Variants in VPS33A observed in about 807,000 individuals in gnomAD.
VPS33A encodes the protein vacuolar protein sorting-associated protein 33A.
VPS33A carries 32 observed loss-of-function variants against 71.8 expected under a neutral mutation model. The ratio of observed to expected loss-of-function variants is 0.45; its 90% confidence interval spans 0.34 to 0.60. The LOEUF (loss-of-function observed/expected upper bound fraction) is 0.60. Ranked by LOEUF, VPS33A falls within the 20% of genes least tolerant of loss-of-function variation. The pLI, the probability that VPS33A is intolerant of heterozygous loss-of-function variation, is 0.02. For missense variants in VPS33A, 625 were observed against 748.5 expected (o/e 0.84, Z 1.92); for synonymous variants, 311 against 292.7 (o/e 1.06, Z -0.64).
At chr12:122,262,800 A>G (rs1212484266) in intron 3 of VPS33A, among the ~76,000 whole-genome samples, 4 of 151,996 alleles carry the variant, frequency 2.6e-5, no homozygotes, top group African/African-American at 7.3e-5. Flanking sequence ...AACTGCTGAC[A>G]ACAACTTCCT....
intron 7 of VPS33A, 120 bp downstream of exon 7, chr12:122,244,449 A>T: frequency 2.4e-6 from 2 of 847,038 alleles, no homozygotes; most frequent in Non-Finnish European, 3.5e-6. Context: ...ACTGAAGATG[A>T]GAAAAGTTGC....
At chr12:122,240,738 G>C (rs904900123) in intron 8 of VPS33A, among the ~76,000 whole-genome samples, 1 of 152,190 alleles carries the variant, frequency 6.6e-6, no homozygotes, top group Non-Finnish European at 1.5e-5. Context: ...TGCTTTAATA[G>C]ATGTCTTCTG....
At chr12:122,265,725 C>T in intron 1 of VPS33A, 1 of 454,128 alleles carries the variant, frequency 2.2e-6, no homozygotes, top group Non-Finnish European at 4.4e-6. Context: ...ACTGATAAAC[C>T]CTAAGGGGAT....
At chr12:122,264,414 G>A (rs935734459) in intron 1 of VPS33A, among the ~76,000 whole-genome samples, 5 of 152,074 alleles carry the variant, frequency 3.3e-5, no homozygotes, top group Admixed American at 1.3e-4. Flanking sequence ...TTTCTGAGAC[G>A]GAGTCTTGCT....
chr12:122,265,644 G>C (rs1041787077), intron 1 of VPS33A: 1 of 422,584 alleles, frequency 2.4e-6, no homozygotes, highest in African/African-American at 2.0e-5. Context: ...ACCTCTTGGG[G>C]TTCTGTTCTC....
intron 3 of VPS33A, among the ~76,000 whole-genome samples, chr12:122,262,331 T>C (rs189374886): frequency 1.9e-4 from 29 of 152,322 alleles, no homozygotes; most frequent in East Asian, 5.8e-4. Flanking sequence ...TTATGGGGCA[T>C]TGAAGCTCTC....
At chr12:122,253,137 A>G (rs970842482) in intron 4 of VPS33A, 2 of 151,946 alleles carry the variant, frequency 1.3e-5, no homozygotes, top group Admixed American at 6.6e-5. Flanking sequence ...TCGCCGGACT[A>G]CTCTTTCAAG....
chr12:122,236,888 C>A (rs1954635590), intron 10 of VPS33A, among the ~76,000 whole-genome samples: 1 of 152,154 alleles, frequency 6.6e-6, no homozygotes, highest in Non-Finnish European at 1.5e-5. Context: ...AACATTCTGT[C>A]TAAATGCAAA....
chr12:122,240,214 G>A (rs1954694349), intron 8 of VPS33A, among the ~76,000 whole-genome samples: 3 of 152,106 alleles, frequency 2.0e-5, no homozygotes, highest in African/African-American at 7.2e-5. Context: ...CGTAGTCCCA[G>A]CTACTCGGGA....
At chr12:122,261,196 G>T (rs982101920) in intron 4 of VPS33A, 65 bp downstream of exon 4, 7 of 1,380,754 alleles carry the variant, frequency 5.1e-6, no homozygotes, top group Non-Finnish European at 7.0e-6. Context: ...TCAGTACTGT[G>T]GTATGCTCAC....
At chr12:122,239,615 T>G (rs1033791766) in intron 9 of VPS33A, among the ~76,000 whole-genome samples, 2 of 151,812 alleles carry the variant, frequency 1.3e-5, no homozygotes, top group Non-Finnish European at 2.9e-5. Context: ...GCGCCTGTAG[T>G]CCCAGCTACT....
At chr12:122,264,098 A>T in intron 2 of VPS33A, 36 bp downstream of exon 2, 1 of 1,470,832 alleles carries the variant, frequency 6.8e-7, no homozygotes, top group South Asian at 1.4e-5. Context: ...GTACAGAATT[A>T]TTAATCCCCT....
At chr12:122,247,251 C>G (rs2136135031) in intron 6 of VPS33A, among the ~76,000 whole-genome samples, 1 of 152,202 alleles carries the variant, frequency 6.6e-6, no homozygotes, top group South Asian at 2.1e-4. Context: ...TTTTTCTCTT[C>G]TTGGAAAATC....
chr12:122,244,514 G>C (rs535210679), intron 7 of VPS33A, 55 bp downstream of exon 7: 1 of 1,467,856 alleles, frequency 6.8e-7, no homozygotes, highest in African/African-American at 1.4e-5. Context: ...CCCCTCAGGG[G>C]TGGGCATCTA....
intron 4 of VPS33A, among the ~76,000 whole-genome samples, chr12:122,251,310 G>A (rs1048996070): frequency 6.6e-6 from 1 of 152,236 alleles, no homozygotes; most frequent in Non-Finnish European, 1.5e-5. Context: ...GGGTGCAGCC[G>A]TGGAAGCACC....
intron 4 of VPS33A, among the ~76,000 whole-genome samples, chr12:122,260,488 G>A (rs894947391): frequency 2.0e-5 from 3 of 151,734 alleles, no homozygotes; most frequent in Admixed American, 6.6e-5. Context: ...TAGTAGAGAC[G>A]GGGTTTCCCC....
chr12:122,232,768 T>A (rs1208658860), intron 12 of VPS33A, 32 bp downstream of exon 12: 2 of 1,595,356 alleles, frequency 1.3e-6, no homozygotes, highest in Admixed American at 3.5e-5. Context: ...TAACAGTACA[T>A]AATTATCTGT....
intron 8 of VPS33A, 87 bp downstream of exon 8, chr12:122,242,295 A>G: frequency 6.6e-7 from 1 of 1,507,366 alleles, no homozygotes. Flanking sequence ...TCTCCCGAAG[A>G]GGCATTGTGG....
At chr12:122,239,254 T>C (rs1954676520) in intron 9 of VPS33A, among the ~76,000 whole-genome samples, 1 of 152,218 alleles carries the variant, frequency 6.6e-6, no homozygotes, top group Admixed American at 6.5e-5. Context: ...ATAGAGCTAT[T>C]TAAAGGAGTT....
Sources: gnomAD v4.1 joint callset for allele counts (sites outside exome capture counted in the v4.1 genomes callset) on GRCh38, gnomAD v4.1.1 for gene constraint, MANE v1.5 for transcripts, NCBI Gene and HGNC (gene_info 2026-07-23, HGNC 2026-07-21) for gene names.